The following SNX29 variants were observed in gnomAD, a reference collection of about 807,000 sequenced individuals.
SNX29 encodes sorting nexin 29, also known as sorting nexin-29.
SNX29 carries 78 observed loss-of-function variants against 102.1 expected under a neutral mutation model. The observed-to-expected ratio is 0.76, with a 90% CI of 0.64 to 0.92. The LOEUF (loss-of-function observed/expected upper bound fraction) is 0.92, where lower values mean the gene tolerates loss of function less well. Ranked by LOEUF, SNX29 falls within the 40% of genes least tolerant of loss-of-function variation. The pLI is 0.00. For synonymous variants in SNX29, 580 were observed against 414.5 expected (o/e 1.40, Z -4.85); for missense variants, 1,280 against 1,061.7 (o/e 1.21, Z -2.86).
chr16:11,978,432 A>G (rs953659508), intron 1 of SNX29, among the ~76,000 whole-genome samples: 3 of 152,156 alleles, frequency 2.0e-5, no homozygotes, highest in Non-Finnish European at 4.4e-5. Context: ...AAATGAGGAT[A>G]CCTAGTAGTA....
chr16:12,440,088 G>A (rs537874897), intron 18 of SNX29, among the ~76,000 whole-genome samples: 2 of 152,248 alleles, frequency 1.3e-5, no homozygotes, highest in East Asian at 1.9e-4. Context: ...GGATTGACTC[G>A]AGACTGAAAG....
chr16:11,997,997 C>T (rs942844123), intron 1 of SNX29, among the ~76,000 whole-genome samples: 15 of 152,194 alleles, frequency 9.9e-5, no homozygotes, highest in Middle Eastern at 3.2e-3. Context: ...GGAGATGATG[C>T]ATGCATAGTG....
intron 19 of SNX29, among the ~76,000 whole-genome samples, chr16:12,490,671 A>G (rs556058036): frequency 3.8e-4 from 58 of 152,362 alleles, no homozygotes; most frequent in African/African-American, 1.2e-3. Flanking sequence ...TTAAAGAAAG[A>G]GAAAAAGAAT....
At chr16:12,302,936 C>T (rs2080224744) in intron 15 of SNX29, among the ~76,000 whole-genome samples, 1 of 152,196 alleles carries the variant, frequency 6.6e-6, no homozygotes, top group Non-Finnish European at 1.5e-5. Flanking sequence ...CCAAGCTTGT[C>T]ACCGTTCAAA....
Position 12,569,262 on chromosome 16 carries a change from CTT to C in SNX29, c.*634_*635del, listed in dbSNP as rs2141576328. ...GCAAGGAGCCATTAGTGATGTGCAA[CTT>C]GAGTTCAGAGAACTTCCCCTACCTC... On this transcript the variant is annotated 3_prime_UTR_variant, in exon 21 of 21. Coordinates refer to ENST00000566228, the MANE Select transcript of SNX29 (RefSeq NM_032167.5). 1 of 226,720 alleles carries C rather than the reference CTT, an allele frequency of 4.4e-6. No individual in the cohort carries two copies. Among genetic ancestry groups the C allele is most frequent in the South Asian group, 1.8e-4 (1 of 5,472 alleles). The allele number at this position is 226,720 out of a possible 1,614,324, so 14.0% of individuals were successfully genotyped here.
chr16:12,554,271 G>C (rs775148265), intron 20 of SNX29, among the ~76,000 whole-genome samples: 3 of 152,222 alleles, frequency 2.0e-5, no homozygotes, highest in African/African-American at 4.8e-5. Flanking sequence ...TGGTGCATCT[G>C]TGTATACATG....
chr16:12,237,280 C>A (rs1405293034), intron 14 of SNX29, among the ~76,000 whole-genome samples: 4 of 152,258 alleles, frequency 2.6e-5, no homozygotes. Context: ...CAGCGAGAAT[C>A]ACAAAGTGTG....
intron 15 of SNX29, among the ~76,000 whole-genome samples, chr16:12,316,434 T>C (rs1290083966): frequency 2.0e-5 from 3 of 152,132 alleles, no homozygotes; most frequent in Admixed American, 2.0e-4. Context: ...TCCCTGCTAC[T>C]CTGGAGGCTG....
intron 11 of SNX29, among the ~76,000 whole-genome samples, chr16:12,099,768 A>T (rs1362286712): frequency 1.3e-5 from 2 of 152,036 alleles, no homozygotes; most frequent in African/African-American, 4.8e-5. Flanking sequence ...CAGAATGCCT[A>T]TTGTGCCTAT....
intron 14 of SNX29, among the ~76,000 whole-genome samples, chr16:12,263,459 G>A (rs2078839600): frequency 6.6e-6 from 1 of 152,136 alleles, no homozygotes; most frequent in East Asian, 1.9e-4. Context: ...TGGACCCGAT[G>A]AGAGAGAATG....
rs564789425 is a variant in SNX29 at position 12,480,253 on chromosome 16, A to G, written c.2178+2394A>G. 5.3e-5 allele frequency among the ~76,000 whole-genome samples: 8 copies of G among 152,310 alleles called. 1 individual carries two copies. The highest frequency in any genetic ancestry group is 1.9e-4 in the African/African-American group (8 of 41,580). On this transcript the variant is annotated intron_variant, in intron 19 of 20. Coordinates refer to ENST00000566228, the MANE Select transcript of SNX29 (RefSeq NM_032167.5). ...AATGAGCGTCACAGAGCTAAAATCA[A>G]GACGTCACCCAGGCCTCTTCCTTCT...
intron 14 of SNX29, among the ~76,000 whole-genome samples, chr16:12,272,700 G>C (rs2079126742): frequency 6.6e-6 from 1 of 152,132 alleles, no homozygotes; most frequent in African/African-American, 2.4e-5. Flanking sequence ...GGTTCTCTTA[G>C]CTTTATTACA....
intron 11 of SNX29, among the ~76,000 whole-genome samples, chr16:12,111,687 C>T (rs2053507677): frequency 6.6e-6 from 1 of 152,118 alleles, no homozygotes; most frequent in South Asian, 2.1e-4. Context: ...ATGGAGAGAT[C>T]ACCTAGACTG....
At chr16:12,402,763 G>T (rs75483318) in intron 17 of SNX29, among the ~76,000 whole-genome samples, 2,602 of 152,268 alleles carry the variant, frequency 0.017, 60 homozygotes, top group East Asian at 0.054. Context: ...AAATTATTTT[G>T]CATTTGAATT....
chr16:12,008,640 T>A (rs911221693), intron 3 of SNX29, among the ~76,000 whole-genome samples: 1 of 151,972 alleles, frequency 6.6e-6, no homozygotes, highest in Non-Finnish European at 1.5e-5. Context: ...TTCGTATGCC[T>A]CTCTTTTTTA....
At position 12,549,950 on chromosome 16, in the gene SNX29, G is replaced by C. The variant is rs115845176; in HGVS notation, c.2319-18556G>C. On this transcript the variant is annotated intron_variant, in intron 20 of 20. Coordinates refer to ENST00000566228, the MANE Select transcript of SNX29 (RefSeq NM_032167.5). ...CCTCCACCTGTTTTTTATAAGTAAAGTTTTATTGGAACATGCCCAGTCATT... is the reference window on the plus strand; with the variant it reads ...CCTCCACCTGTTTTTTATAAGTAAACTTTTATTGGAACATGCCCAGTCATT... Among the ~76,000 whole-genome samples, 393 of 152,300 alleles carry C rather than the reference G, an allele frequency of 2.6e-3. 1 individual carries two copies. The highest frequency in any genetic ancestry group is 9.2e-3 in the African/African-American group (381 of 41,548).
At chr16:12,062,119 C>T (rs2050800816) in intron 9 of SNX29, among the ~76,000 whole-genome samples, 1 of 152,074 alleles carries the variant, frequency 6.6e-6, no homozygotes, top group Non-Finnish European at 1.5e-5. Context: ...TATCTCATGC[C>T]TGTAATCCCA....
At chr16:12,216,400 T>G in intron 14 of SNX29, among the ~76,000 whole-genome samples, 1 of 152,026 alleles carries the variant, frequency 6.6e-6, no homozygotes, top group Middle Eastern at 3.2e-3. Flanking sequence ...CAATAAATCA[T>G]TGGTAGGGAG....
chr16:12,066,248 G>C (rs902009497), intron 9 of SNX29, among the ~76,000 whole-genome samples: 5 of 152,202 alleles, frequency 3.3e-5, no homozygotes, highest in Non-Finnish European at 5.9e-5. Flanking sequence ...TGGGGCGTCT[G>C]CTGTAGAAGG....
Sources: gnomAD v4.1 joint callset for allele counts (sites outside exome capture counted in the v4.1 genomes callset) on GRCh38, gnomAD v4.1.1 for gene constraint, MANE v1.5 for transcripts, NCBI Gene and HGNC (gene_info 2026-07-23, HGNC 2026-07-21) for gene names.